ZFYVE9: variants seen among roughly 807,000 people sequenced by gnomAD.
ZFYVE9 encodes zinc finger FYVE domain-containing protein 9.
Under a neutral mutation model 126.7 loss-of-function variants are expected in ZFYVE9, and 43 were observed. That is an observed-to-expected ratio of 0.34 (90% CI 0.27 to 0.44). ZFYVE9 has a LOEUF of 0.44. ZFYVE9 is among the 20% of genes least tolerant of loss of function. ZFYVE9 has a pLI of 1.00. For missense variants in ZFYVE9, 1,476 were observed against 1,697.0 expected, an observed-to-expected ratio of 0.87 and a Z score of 2.29; for synonymous variants, 521 against 597.4, an observed-to-expected ratio of 0.87 and a Z score of 1.87.
At chr1:52,297,745 C>G (rs549070204) in intron 12 of ZFYVE9, among the ~76,000 whole-genome samples, 5 of 129,948 alleles carry the variant, frequency 3.8e-5, no homozygotes, top group Admixed American at 3.0e-4. Flanking sequence ...TTTTTTGGGA[C>G]AGAGTCTCGC....
chr1:52,318,741 T>G (rs1456199189), intron 13 of ZFYVE9, among the ~76,000 whole-genome samples: 2 of 152,120 alleles, frequency 1.3e-5, no homozygotes, highest in African/African-American at 4.8e-5. Context: ...CGTGAGATTA[T>G]TGTATAAAAA....
intron 4 of ZFYVE9, among the ~76,000 whole-genome samples, chr1:52,257,514 C>T (rs775162271): frequency 2.2e-4 from 33 of 152,294 alleles, no homozygotes; most frequent in Non-Finnish European, 4.0e-4. Flanking sequence ...TACTTTGTCT[C>T]TTTATGCTTA....
chr1:52,311,167 A>G (rs1483782905), intron 13 of ZFYVE9, among the ~76,000 whole-genome samples: 4 of 152,142 alleles, frequency 2.6e-5, no homozygotes, highest in Non-Finnish European at 4.4e-5. Context: ...ATGTCTGGCA[A>G]TGACTGTTAT....
chr1:52,251,811 T>C (rs1645450165), intron 4 of ZFYVE9, among the ~76,000 whole-genome samples: 1 of 152,186 alleles, frequency 6.6e-6, no homozygotes. Flanking sequence ...CAAAATCATC[T>C]GATCTAGGGC....
intron 11 of ZFYVE9, 94 bp from the exon 12 acceptor site, chr1:52,295,801 T>C: frequency 9.7e-7 from 1 of 1,026,488 alleles, no homozygotes. Flanking sequence ...TGAGCCATTA[T>C]AATTATATTT....
intron 13 of ZFYVE9, among the ~76,000 whole-genome samples, chr1:52,330,172 GTTC>G (rs1483201200): frequency 6.6e-6 from 1 of 152,226 alleles, no homozygotes; most frequent in Admixed American, 6.5e-5. Context: ...GAGGTCGGGA[GTTC>G]GAGACCAGCC....
At chr1:52,248,942 A>G (rs1645416974) in intron 4 of ZFYVE9, among the ~76,000 whole-genome samples, 1 of 152,122 alleles carries the variant, frequency 6.6e-6, no homozygotes, top group African/African-American at 2.4e-5. Context: ...CCCCACCCAA[A>G]TCTCATCTCG....
Position 52,251,707 on chromosome 1 carries a change from A to T in ZFYVE9, c.2179-12066A>T, listed in dbSNP as rs770482381. 1.8e-3 allele frequency among the ~76,000 whole-genome samples: 279 copies of T among 152,338 alleles called. 3 individuals carry two copies. The highest frequency in any genetic ancestry group is 1.4e-3 in the Non-Finnish European group (95 of 68,030). On this transcript the variant is annotated intron_variant, in intron 4 of 18. Coordinates refer to ENST00000287727, the MANE Select transcript of ZFYVE9 (RefSeq NM_004799.4). ...TTGGTATCAAGATAGTGCTGGCTTC[A>T]CAGAAGGAGTTAGGAAGTATTTCCT...
At chr1:52,273,818 CA>C (rs61193193) in intron 7 of ZFYVE9, among the ~76,000 whole-genome samples, 18,316 of 75,574 alleles carry the variant, frequency 0.24, 2,077 homozygotes, top group African/African-American at 0.5. Flanking sequence ...GACTCCTTCT[CA>C]AAAAAAAAAA....
At chr1:52,253,248 A>G (rs1469317937) in intron 4 of ZFYVE9, among the ~76,000 whole-genome samples, 1 of 152,226 alleles carries the variant, frequency 6.6e-6, no homozygotes, top group Non-Finnish European at 1.5e-5. Context: ...TTGGTTATAC[A>G]GTATCAACTG....
intron 13 of ZFYVE9, among the ~76,000 whole-genome samples, chr1:52,329,101 T>A (rs1218406190): frequency 6.6e-6 from 1 of 152,202 alleles, no homozygotes; most frequent in Non-Finnish European, 1.5e-5. Context: ...ATTAGAAGAC[T>A]TAATATTGTT....
At chr1:52,208,219 T>A (rs1644995019) in intron 1 of ZFYVE9, among the ~76,000 whole-genome samples, 1 of 152,076 alleles carries the variant, frequency 6.6e-6, no homozygotes, top group South Asian at 2.1e-4. Flanking sequence ...TCAGCCAGAT[T>A]TTTGTACCAG....
intron 1 of ZFYVE9, among the ~76,000 whole-genome samples, chr1:52,184,892 T>A (rs1644750276): frequency 6.6e-6 from 1 of 151,962 alleles, no homozygotes; most frequent in South Asian, 2.1e-4. Flanking sequence ...CGGTGGCTCA[T>A]GCCTGTAATC....
intron 16 of ZFYVE9, 71 bp downstream of exon 16, chr1:52,338,005 A>G: frequency 6.6e-7 from 1 of 1,505,342 alleles, no homozygotes; most frequent in South Asian, 1.3e-5. Context: ...TCTGCTGTCT[A>G]CATTGGTGTT....
At chr1:52,253,719 C>A in intron 4 of ZFYVE9, 1 of 1,606,882 alleles carries the variant, frequency 6.2e-7, no homozygotes, top group African/African-American at 1.3e-5. Context: ...TTTGGTCACT[C>A]TCATCTTGCA....
rs1645807892 is a variant in ZFYVE9, at chr1:52,281,771, G to A, written c.2980G>A (p.Asp994Asn). The part of the protein sequence containing the change: ...CLPDEKCLPK[D>N]IFNHFVQLYR... ...ACCGGATGAAAAGTGTTTGCCAAAGGATATCTTTAATCACTTTGTGCAGCT... is the reference window on the plus strand; with the variant it reads ...ACCGGATGAAAAGTGTTTGCCAAAGAATATCTTTAATCACTTTGTGCAGCT... The change falls in exon 10 of 19, where the codon GAT (aspartate) becomes AAT (asparagine). Residue 994 changes from aspartate to asparagine, a missense_variant. Asp to Asn is a conservative substitution (Grantham distance 23). Coordinates refer to ENST00000287727, the MANE Select transcript of ZFYVE9 (RefSeq NM_004799.4). 1 of 1,614,036 alleles carries A rather than the reference G, an allele frequency of 6.2e-7. No homozygotes were observed. The highest frequency in any genetic ancestry group is 8.5e-7 in the Non-Finnish European group (1 of 1,180,026).
intron 1 of ZFYVE9, among the ~76,000 whole-genome samples, chr1:52,206,194 G>C (rs1272180075): frequency 1.3e-5 from 2 of 152,188 alleles, no homozygotes; most frequent in Non-Finnish European, 2.9e-5. Flanking sequence ...GCATAGAAGG[G>C]TCTGTAATTC....
At chr1:52,310,207 G>A (rs144302982) in intron 13 of ZFYVE9, among the ~76,000 whole-genome samples, 2 of 152,152 alleles carry the variant, frequency 1.3e-5, no homozygotes, top group African/African-American at 2.4e-5. Flanking sequence ...GGGCTCAAGC[G>A]ATCTGCTTGC....
At chr1:52,278,338 C>T (rs1353984077) in intron 8 of ZFYVE9, among the ~76,000 whole-genome samples, 154 bp from the exon 9 acceptor site, 1 of 152,166 alleles carries the variant, frequency 6.6e-6, no homozygotes, top group African/African-American at 2.4e-5. Context: ...TAATTTGATA[C>T]TGAGCCAGCA....
Sources: allele counts gnomAD v4.1 joint callset (sites outside exome capture counted in the v4.1 genomes callset), GRCh38; gene constraint gnomAD v4.1.1; transcripts MANE v1.5; gene names NCBI Gene and HGNC (gene_info 2026-07-23, HGNC 2026-07-21).